ALDH1A3: variants seen among roughly 807,000 people sequenced by gnomAD.
ALDH1A3 encodes aldehyde dehydrogenase 1 family member A3.
In ALDH1A3, 28 loss-of-function variants were observed where a neutral mutation model predicts 57.5. The observed-to-expected ratio is 0.49, with a 90% confidence interval of 0.36 to 0.67. ALDH1A3 has a LOEUF of 0.67. Ranked by LOEUF, ALDH1A3 falls within the 30% of genes least tolerant of loss-of-function variation. ALDH1A3 has a pLI of 0.00. For missense variants in ALDH1A3, 507 were observed against 669.4 expected, an observed-to-expected ratio of 0.76 and a Z score of 2.68; for synonymous variants, 281 against 264.8, an observed-to-expected ratio of 1.06 and a Z score of -0.59.
At chr15:100,901,503 G>A (rs2041768400) in intron 9 of ALDH1A3, among the ~76,000 whole-genome samples, 2 of 152,090 alleles carry the variant, frequency 1.3e-5, no homozygotes, top group African/African-American at 2.4e-5. Context: ...TGTCTATCCC[G>A]GGAGGCTGCC....
rs997810324 is a variant in ALDH1A3, at chr15:100,889,083, T to A, written c.345+1371T>A. 1 of 152,258 alleles carries A rather than the reference T, an allele frequency of 6.6e-6. No homozygotes were observed. The highest frequency in any genetic ancestry group is 2.4e-5 in the African/African-American group (1 of 41,466). 9.4% of individuals were successfully genotyped at this position (152,258 alleles called of 1,614,324 possible). On this transcript the variant is annotated intron_variant, in intron 3 of 12. Coordinates refer to ENST00000329841, the MANE Select transcript of ALDH1A3 (RefSeq NM_000693.4). This position sits in a 1 kb window ranked among gnomAD's most constrained non-coding sequence, Gnocchi z 5.1. ...GATCAGAGGACATCTCAGGGCCACG[T>A]TGGGCCATGAGGTCCTTTGCATCCT...
Position 100,893,904 on chromosome 15 carries a change from A to C in ALDH1A3, c.538-50A>C. 1 of 1,587,840 alleles carries C rather than the reference A, an allele frequency of 6.3e-7. No homozygotes were observed. The highest frequency in any genetic ancestry group is 8.6e-7 in the Non-Finnish European group (1 of 1,169,264). On this transcript the variant is annotated intron_variant, in intron 5 of 12. Transcript: ENST00000329841. This position sits in a 1 kb window ranked among gnomAD's most constrained non-coding sequence, Gnocchi z 4.8. The stretch of plus-strand genomic sequence containing the variant: ...AAAGGCATCGTTGAGCACATGGGAC[A>C]GGGTAAGAGGGTGGATCTGGGCCTC...
Position 100,893,666 on chromosome 15 carries a change from A to G in ALDH1A3, c.538-288A>G, listed in dbSNP as rs2041673804. 1 of 296,512 alleles carries G rather than the reference A, an allele frequency of 3.4e-6. No individual in the cohort carries two copies. The highest frequency in any genetic ancestry group is 2.1e-5 in the African/African-American group (1 of 46,656). The allele number at this position is 296,512 out of a possible 1,614,324, so 18.4% of individuals were successfully genotyped here. On this transcript the variant is annotated intron_variant, in intron 5 of 12. Coordinates refer to ENST00000329841, the MANE Select transcript of ALDH1A3 (RefSeq NM_000693.4). The surrounding 1 kb of genome is among the most constrained non-coding windows in gnomAD (Gnocchi z 4.8). Reference sequence around the variant, plus strand: ...TGAAGTGAGGGTTCAAAAAGTGCCCATGGAGGCAGGGAGGAGGACACGTCT... The same window carrying G: ...TGAAGTGAGGGTTCAAAAAGTGCCCGTGGAGGCAGGGAGGAGGACACGTCT...
At chr15:100,890,984 C>A (rs2041642974) in intron 3 of ALDH1A3, among the ~76,000 whole-genome samples, 1 of 152,186 alleles carries the variant, frequency 6.6e-6, no homozygotes, top group Non-Finnish European at 1.5e-5. Context: ...CTGCTGGGGG[C>A]AGAACACACA....
chr15:100,913,670 G>A (rs1371993099), intron 12 of ALDH1A3: 2 of 152,222 alleles, frequency 1.3e-5, no homozygotes, highest in African/African-American at 4.8e-5. Context: ...AGGTTTGGGG[G>A]ATCCAATTTT....
chr15:100,900,020 G>A (rs2041750843), intron 8 of ALDH1A3, among the ~76,000 whole-genome samples: 1 of 152,200 alleles, frequency 6.6e-6, no homozygotes, highest in African/African-American at 2.4e-5. Context: ...TGTCCCCCAA[G>A]ATCTTATTCT....
intron 1 of ALDH1A3, chr15:100,880,340 G>T (rs954787281): frequency 1.1e-5 from 4 of 371,870 alleles, no homozygotes; most frequent in Non-Finnish European, 1.4e-5. Context: ...TGCGCGCCGC[G>T]TTGACTCGGA....
At chr15:100,900,887 C>T (rs1359553114) in intron 9 of ALDH1A3, 128 bp downstream of exon 9, 1 of 1,056,262 alleles carries the variant, frequency 9.5e-7, no homozygotes, top group Non-Finnish European at 1.3e-6. Context: ...AGGAGGCTTT[C>T]TTTTCTTTAG....
intron 12 of ALDH1A3, among the ~76,000 whole-genome samples, chr15:100,911,168 G>A (rs2041879063): frequency 6.6e-6 from 1 of 152,244 alleles, no homozygotes; most frequent in Admixed American, 6.5e-5. Context: ...ACCAATTTCT[G>A]TCTTCAGTTG....
intron 12 of ALDH1A3, among the ~76,000 whole-genome samples, chr15:100,912,697 C>T (rs1448950715): frequency 6.6e-6 from 1 of 152,184 alleles, no homozygotes; most frequent in African/African-American, 2.4e-5. Flanking sequence ...AGGGGCTCTA[C>T]ATGATTATCT....
intron 7 of ALDH1A3, 104 bp from the exon 8 acceptor site, chr15:100,897,979 G>A: frequency 9.4e-7 from 1 of 1,060,790 alleles, no homozygotes; most frequent in South Asian, 1.4e-5. Context: ...GAGCCAGGTG[G>A]TGGCACTGCC....
At chr15:100,905,430 G>A in intron 9 of ALDH1A3, 93 bp from the exon 10 acceptor site, 1 of 1,473,020 alleles carries the variant, frequency 6.8e-7, no homozygotes, top group Non-Finnish European at 9.4e-7. Context: ...GCAGAGGGAG[G>A]ATGGCTGATC....
intron 3 of ALDH1A3, 199 bp from the exon 4 acceptor site, chr15:100,892,311 A>G: frequency 1.5e-6 from 1 of 670,670 alleles, no homozygotes; most frequent in South Asian, 2.3e-5. Context: ...GTGTTTTGAA[A>G]TAAAAGCAAT....
chr15:100,898,986 G>A (rs188152333), intron 8 of ALDH1A3, among the ~76,000 whole-genome samples: 35 of 152,320 alleles, frequency 2.3e-4, no homozygotes, highest in African/African-American at 5.8e-4. Context: ...AATTCCTGTC[G>A]TGGAGAACAA....
intron 1 of ALDH1A3, among the ~76,000 whole-genome samples, chr15:100,884,856 C>T (rs900373945): frequency 7.2e-5 from 11 of 151,908 alleles, no homozygotes; most frequent in African/African-American, 1.5e-4. Flanking sequence ...CAGGGGCAGG[C>T]GGACTGCTTG....
Position 100,898,066 on chromosome 15 carries a change from T to C in ALDH1A3, c.781-17T>C. ...GCAACATCCAAGGTAAATTGTGATC[T>C]GTGTTCTGTCCTGGAGGTTGGAAAA... On this transcript the variant is annotated splice_polypyrimidine_tract_variant and intron_variant, in intron 7 of 12. Transcript: ENST00000329841. The C allele has an allele frequency of 1.2e-6, 2 of 1,610,118 alleles. No individual in the cohort carries two copies. The highest frequency in any genetic ancestry group is 1.7e-5 in the Admixed American group (1 of 59,964).
intron 12 of ALDH1A3, 98 bp downstream of exon 12, chr15:100,908,580 C>A (rs1261641505): frequency 4.8e-6 from 5 of 1,036,654 alleles, no homozygotes; most frequent in Admixed American, 1.8e-5. Flanking sequence ...GACACCCCGT[C>A]CCCCCCACAC....
chr15:100,887,678 C>T lies in ALDH1A3; in HGVS notation c.311C>T (p.Ala104Val). The change falls in exon 3 of 13, where the codon GCT becomes GTT. Residue 104 changes from alanine (A) to valine (V), a missense_variant. Ala to Val is a moderately conservative substitution (Grantham distance 64). Coordinates refer to ENST00000329841, the MANE Select transcript of ALDH1A3 (RefSeq NM_000693.4). This position sits in a 1 kb window ranked among gnomAD's most constrained non-coding sequence, Gnocchi z 4.6. ...CGTGGGCGGCTGCTGCACCAGCTGG[C>T]TGACCTGGTGGAGAGGGACCGCGCC... is the stretch of plus-strand genomic sequence containing the variant. ...LSRGRLLHQLADLVERDRATL... is the reference protein window; with the variant it reads ...LSRGRLLHQLVDLVERDRATL... 6.2e-7 allele frequency: 1 copy of T among 1,610,400 alleles called. No individual in the cohort carries two copies. The highest frequency in any genetic ancestry group is 8.5e-7 in the Non-Finnish European group (1 of 1,178,232).
In ALDH1A3 at chr15:100,887,530, G is replaced by A. The variant is rs139297912; in HGVS notation, c.205-42G>A. 3.7e-4 allele frequency: 547 copies of A among 1,494,456 alleles called. 8 individuals are homozygous for A. In the South Asian group the frequency reaches 6.4e-3, roughly 17 times the overall value. 92.6% of individuals were successfully genotyped at this position (1,494,456 alleles called of 1,614,324 possible). On this transcript the variant is annotated intron_variant, in intron 2 of 12. Transcript: ENST00000329841. This position sits in a 1 kb window ranked among gnomAD's most constrained non-coding sequence, Gnocchi z 4.6. The stretch of plus-strand genomic sequence containing the variant: ...AAGATGACACCCAAACTGCAGTCAC[G>A]TCAAAAGATGACAGTCTCTCTCTGT...
Sources: gnomAD v4.1 joint callset for allele counts (sites outside exome capture counted in the v4.1 genomes callset) on GRCh38, gnomAD v4.1.1 for gene constraint, Gnocchi (gnomAD v3.1) non-coding constraint, MANE v1.5 for transcripts, NCBI Gene and HGNC (gene_info 2026-07-23, HGNC 2026-07-21) for gene names.